Variants in KIDINS220 observed in about 807,000 individuals in gnomAD.
KIDINS220 encodes kinase D interacting substrate 220, also known as kinase D-interacting substrate of 220 kDa.
KIDINS220 carries 63 observed loss-of-function variants against 157.6 expected under a neutral mutation model. The observed-to-expected ratio is 0.40, with a 90% confidence interval of 0.33 to 0.49. The LOEUF (loss-of-function observed/expected upper bound fraction) is 0.49, where lower values mean the gene tolerates loss of function less well. KIDINS220 is among the 20% of genes least tolerant of loss of function. The pLI is 0.66. For missense variants in KIDINS220, 1,772 were observed against 2,171.2 expected (o/e 0.82, Z 3.65); for synonymous variants, 732 against 783.6 (o/e 0.93, Z 1.10).
At chr2:8,775,298 G>C (rs1670814704) in intron 21 of KIDINS220, among the ~76,000 whole-genome samples, 1 of 152,212 alleles carries the variant, frequency 6.6e-6, no homozygotes, top group Non-Finnish European at 1.5e-5. Context: ...CTGGCATATA[G>C]ATGGCATTTA....
intron 7 of KIDINS220, among the ~76,000 whole-genome samples, chr2:8,804,841 G>C (rs1675214070): frequency 6.6e-6 from 1 of 152,164 alleles, no homozygotes; most frequent in Admixed American, 6.5e-5. Context: ...TTCTGCAGCA[G>C]ACACCAGCTG....
chr2:8,753,052 C>G (rs1427701320), intron 22 of KIDINS220, among the ~76,000 whole-genome samples: 2 of 151,958 alleles, frequency 1.3e-5, no homozygotes, highest in Non-Finnish European at 2.9e-5. Context: ...GTTGACAATT[C>G]CTGATCTAAG....
intron 17 of KIDINS220, among the ~76,000 whole-genome samples, chr2:8,784,983 C>T (rs1672198024): frequency 6.6e-6 from 1 of 152,138 alleles, no homozygotes; most frequent in Non-Finnish European, 1.5e-5. Flanking sequence ...TTCATACTTG[C>T]CAAAACTTGG....
chr2:8,776,593 A>T (rs573913694), intron 21 of KIDINS220, among the ~76,000 whole-genome samples, 155 bp downstream of exon 21: 1 of 152,350 alleles, frequency 6.6e-6, no homozygotes, highest in Non-Finnish European at 1.5e-5. Flanking sequence ...TGTCAAAACT[A>T]AAACTGACTT....
intron 26 of KIDINS220, among the ~76,000 whole-genome samples, chr2:8,745,795 T>A (rs1462160221): frequency 1.3e-5 from 2 of 152,176 alleles, no homozygotes; most frequent in African/African-American, 4.8e-5. Flanking sequence ...CGAAACTCCG[T>A]CAAAAGAAAA....
intron 26 of KIDINS220, chr2:8,740,204 C>G: frequency 5.1e-6 from 5 of 979,856 alleles, no homozygotes; most frequent in Non-Finnish European, 6.1e-6. Flanking sequence ...AGGAATAAAA[C>G]ACAGTGAAGG....
intron 2 of KIDINS220, among the ~76,000 whole-genome samples, chr2:8,824,873 T>C (rs974841377): frequency 2.0e-5 from 3 of 152,156 alleles, no homozygotes; most frequent in African/African-American, 7.2e-5. Flanking sequence ...TTACGTGCTA[T>C]AACGTGGATG....
downstream of KIDINS220, chr2:8,726,946 A>G (rs1222141363): frequency 7.8e-7 from 1 of 1,285,398 alleles, no homozygotes; most frequent in East Asian, 5.6e-5. Flanking sequence ...TTTTCTTCCT[A>G]GGCATGAAAG....
At chr2:8,794,108 GCA>G (rs1673574316) in intron 11 of KIDINS220, 121 bp from the exon 12 acceptor site, 1 of 683,330 alleles carries the variant, frequency 1.5e-6, no homozygotes, top group African/African-American at 1.8e-5. Flanking sequence ...TTCATATAAA[GCA>G]CATATATAAT....
intron 27 of KIDINS220, 127 bp from the exon 28 acceptor site, chr2:8,734,880 A>G (rs1470552279): frequency 1.7e-6 from 1 of 595,404 alleles, no homozygotes; most frequent in African/African-American, 1.9e-5. Flanking sequence ...AGGCTGACCA[A>G]AAAAAAGGTT....
intron 26 of KIDINS220, among the ~76,000 whole-genome samples, chr2:8,744,388 A>ATATCT (rs1558328231): frequency 7.6e-5 from 2 of 26,160 alleles, no homozygotes; most frequent in Non-Finnish European, 1.2e-4. Flanking sequence ...AAAAAAAAAA[A>ATATCT]ATATATATAT....
chr2:8,779,071 C>T lies in KIDINS220; in HGVS notation c.2439G>A (p.Lys813=). The T allele has an allele frequency of 6.2e-7, 1 of 1,614,042 alleles. No individual in the cohort carries two copies. Among genetic ancestry groups the T allele is most frequent in the South Asian group, 1.1e-5 (1 of 91,090 alleles). The change falls in exon 19 of 30, where the codon AAG becomes AAA. Residue 813 remains lysine (K), a synonymous_variant. Coordinates refer to ENST00000256707, the MANE Select transcript of KIDINS220 (RefSeq NM_020738.4). ...CACTATTGAGGTTCTGGTTAATTGCCTTTATGATAATATGTGGATCACTTG... is the reference window on the plus strand; with the variant it reads ...CACTATTGAGGTTCTGGTTAATTGCTTTTATGATAATATGTGGATCACTTG... The part of the protein sequence containing the change: ...IFASDPHIII[K]AINQNLNSVL...
chr2:8,749,979 A>T, intron 24 of KIDINS220, 133 bp downstream of exon 24: 1 of 684,382 alleles, frequency 1.5e-6, no homozygotes. Flanking sequence ...CCTATATTTT[A>T]CATTCAAACT....
Position 8,744,489 on chromosome 2 carries a change from T to TATGG in KIDINS220, c.3585+2652_3585+2655dup, listed in dbSNP as rs1666274701. Among the ~76,000 whole-genome samples the TATGG allele has an allele frequency of 2.2e-5, 3 of 136,732 alleles. No homozygotes were observed. In the Admixed American group the frequency reaches 2.3e-4, roughly 10 times the overall value. The allele number at this position is 136,732 out of a possible 152,430, so 89.7% of individuals were successfully genotyped here. ...AAAAGACCATAGCTGGTTAACCCCTTATGGCCTGGCTTTTTTAACACATTA... is the reference window on the plus strand; with the variant it reads ...AAAAGACCATAGCTGGTTAACCCCTTATGGATGGCCTGGCTTTTTTAACACATTA... On this transcript the variant is annotated intron_variant, in intron 26 of 29. Transcript: ENST00000256707.
intron 21 of KIDINS220, among the ~76,000 whole-genome samples, chr2:8,771,257 T>C (rs896331695): frequency 2.0e-5 from 3 of 152,226 alleles, no homozygotes; most frequent in Admixed American, 6.5e-5. Context: ...AATATGCCAG[T>C]CCATTCTCGT....
chr2:8,808,248 C>G (rs1675786159), intron 6 of KIDINS220, among the ~76,000 whole-genome samples: 2 of 152,218 alleles, frequency 1.3e-5, no homozygotes, highest in Admixed American at 6.5e-5. Context: ...AATACTTACT[C>G]TGGCTAAAAT....
chr2:8,735,145 C>T (rs1224099136), intron 27 of KIDINS220, among the ~76,000 whole-genome samples: 1 of 152,204 alleles, frequency 6.6e-6, no homozygotes, highest in Non-Finnish European at 1.5e-5. Flanking sequence ...TGGTCACTAA[C>T]AACGTTCTAA....
rs373974134 is a variant in KIDINS220 at position 8,731,128 on chromosome 2, T to C, written c.4908A>G (p.Gln1636=). ...RGIPHSLSGL[Q]DPIIARMSIC... ...TGGACATCCGAGCTATAATTGGATC[T>C]TGCAGGCCACTCAGGCTATGTGGGA... The change falls in exon 30 of 30, where the codon CAA becomes CAG. Residue 1636 remains glutamine (Q), a synonymous_variant. Transcript: ENST00000256707. This position sits in a 1 kb window ranked among gnomAD's most constrained non-coding sequence, Gnocchi z 5.2. The C allele has an allele frequency of 1.2e-6, 2 of 1,614,182 alleles. No individual in the cohort carries two copies. The highest frequency in any genetic ancestry group is 1.7e-6 in the Non-Finnish European group (2 of 1,180,008).
chr2:8,811,312 A>G (rs975080325), intron 6 of KIDINS220, among the ~76,000 whole-genome samples: 4 of 147,776 alleles, frequency 2.7e-5, no homozygotes, highest in South Asian at 2.2e-4. Flanking sequence ...AAAAAAAAAG[A>G]GCAGTCCTTA....
Sources: allele counts gnomAD v4.1 joint callset (sites outside exome capture counted in the v4.1 genomes callset), GRCh38; gene constraint gnomAD v4.1.1; non-coding constraint Gnocchi (gnomAD v3.1); transcripts MANE v1.5; gene names NCBI Gene and HGNC (gene_info 2026-07-23, HGNC 2026-07-21).